Variants in PDCD6IP observed in about 807,000 individuals in gnomAD.
PDCD6IP encodes the protein programmed cell death 6-interacting protein.
PDCD6IP carries 43 observed loss-of-function variants against 103.7 expected under a neutral mutation model. The ratio of observed to expected loss-of-function variants is 0.41; its 90% confidence interval spans 0.32 to 0.53. The LOEUF (loss-of-function observed/expected upper bound fraction) is 0.53. PDCD6IP is among the 20% of genes least tolerant of loss of function. The pLI, the probability that PDCD6IP is intolerant of heterozygous loss-of-function variation, is 0.16. For synonymous variants in PDCD6IP, 354 were observed against 378.7 expected (o/e 0.93, Z 0.76); for missense variants, 871 against 1,036.7 (o/e 0.84, Z 2.20).
At chr3:33,803,221 C>T (rs576843514) in intron 1 of PDCD6IP, among the ~76,000 whole-genome samples, 1 of 152,142 alleles carries the variant, frequency 6.6e-6, no homozygotes, top group Non-Finnish European at 1.5e-5. Context: ...TTTGCATTTT[C>T]AGCTCTCCAC....
intron 17 of PDCD6IP, 106 bp downstream of exon 17, chr3:33,865,536 A>C: frequency 1.2e-6 from 1 of 818,788 alleles, no homozygotes; most frequent in Non-Finnish European, 1.9e-6. Context: ...GGTGTCATGA[A>C]TGAATAAGCT....
intron 15 of PDCD6IP, among the ~76,000 whole-genome samples, chr3:33,862,672 G>T (rs1395504118): frequency 6.6e-6 from 1 of 152,078 alleles, no homozygotes; most frequent in Non-Finnish European, 1.5e-5. Context: ...ATATCTTCAG[G>T]AAGTTTTTAT....
At chr3:33,816,350 C>G (rs964332398) in intron 3 of PDCD6IP, among the ~76,000 whole-genome samples, 3 of 151,634 alleles carry the variant, frequency 2.0e-5, no homozygotes, top group Non-Finnish European at 4.4e-5. Flanking sequence ...ACTAAAAATA[C>G]AAAATTAGCC....
chr3:33,807,438 A>G (rs1696622376), intron 1 of PDCD6IP, among the ~76,000 whole-genome samples: 1 of 152,154 alleles, frequency 6.6e-6, no homozygotes, highest in Non-Finnish European at 1.5e-5. Flanking sequence ...TGCTGCCCAG[A>G]CTTACTGTGG....
intron 1 of PDCD6IP, among the ~76,000 whole-genome samples, chr3:33,804,521 C>T (rs1210281540): frequency 3.3e-5 from 5 of 152,352 alleles, no homozygotes; most frequent in African/African-American, 1.2e-4. Flanking sequence ...CTGTAATTGG[C>T]AGACCTTTTT....
intron 15 of PDCD6IP, among the ~76,000 whole-genome samples, chr3:33,857,523 A>C (rs148286132): frequency 6.6e-6 from 1 of 152,252 alleles, no homozygotes; most frequent in African/African-American, 2.4e-5. Flanking sequence ...AATACAAAAC[A>C]GTCTACAGAC....
In PDCD6IP at chr3:33,798,856, C is replaced by T. The variant is rs1351956879; in HGVS notation, c.128C>T (p.Ala43Val). ...GEEQAQYCRA[A>V]EELSKLRRAA... ...GAGCAGGCCCAGTACTGCCGCGCGG[C>T]GGAGGAGCTCAGCAAGCTGCGCCGC... The change falls in exon 1 of 18, where the codon GCG becomes GTG. Residue 43 changes from alanine (A) to valine (V), a missense_variant. Physicochemically the swap from Ala to Val is moderately conservative, Grantham distance 64 (BLOSUM62 0). Coordinates refer to ENST00000307296, the MANE Select transcript of PDCD6IP (RefSeq NM_013374.6). 1.3e-6 allele frequency: 2 copies of T among 1,552,962 alleles called. No homozygotes were observed. The highest frequency in any genetic ancestry group is 1.2e-5 in the South Asian group (1 of 84,204).
intron 3 of PDCD6IP, among the ~76,000 whole-genome samples, chr3:33,818,797 G>A (rs1329327890): frequency 1.3e-5 from 2 of 152,018 alleles, no homozygotes; most frequent in Admixed American, 6.6e-5. Flanking sequence ...GATTACAGGC[G>A]TGAGCCACTG....
At chr3:33,825,400 G>C in intron 5 of PDCD6IP, 60 bp downstream of exon 5, 1 of 1,382,108 alleles carries the variant, frequency 7.2e-7, no homozygotes, top group Non-Finnish European at 1.0e-6. Context: ...TTTAAATTAA[G>C]AAAGTGATTA....
chr3:33,840,024 G>A (rs1368501488), intron 9 of PDCD6IP, among the ~76,000 whole-genome samples: 2 of 152,080 alleles, frequency 1.3e-5, no homozygotes, highest in African/African-American at 4.8e-5. Flanking sequence ...GAGAATATAG[G>A]TGACCCTGAA....
At chr3:33,806,301 T>G (rs1214511312) in intron 1 of PDCD6IP, among the ~76,000 whole-genome samples, 1 of 152,190 alleles carries the variant, frequency 6.6e-6, no homozygotes, top group East Asian at 1.9e-4. Flanking sequence ...AAGCACTTCA[T>G]ATACAGTACC....
intron 1 of PDCD6IP, among the ~76,000 whole-genome samples, chr3:33,801,081 T>G (rs2125539106): frequency 6.6e-6 from 1 of 152,322 alleles, no homozygotes; most frequent in African/African-American, 2.4e-5. Flanking sequence ...CAACAAATAT[T>G]AAGTATTTTC....
intron 14 of PDCD6IP, chr3:33,854,802 GTATGCT>G (rs1575942097): frequency 6.4e-6 from 1 of 155,484 alleles, no homozygotes; most frequent in Admixed American, 6.5e-5. Flanking sequence ...GGTTTCTGAA[GTATGCT>G]TGCATTTCTG....
chr3:33,829,792 G>A (rs1401838950), intron 7 of PDCD6IP, among the ~76,000 whole-genome samples: 1 of 152,134 alleles, frequency 6.6e-6, no homozygotes, highest in Non-Finnish European at 1.5e-5. Context: ...CACAGACTGG[G>A]TAATTGATAA....
chr3:33,865,010 A>G (rs1698031882), intron 16 of PDCD6IP, among the ~76,000 whole-genome samples: 2 of 152,168 alleles, frequency 1.3e-5, no homozygotes. Context: ...GAAGCAGTAA[A>G]TGATTAAATA....
intron 1 of PDCD6IP, among the ~76,000 whole-genome samples, chr3:33,811,741 A>G (rs950874975): frequency 1.3e-5 from 2 of 152,238 alleles, no homozygotes; most frequent in Non-Finnish European, 1.5e-5. Context: ...CAGAGATACT[A>G]ATTTGTCTAA....
chr3:33,838,357 G>A (rs1697397271), intron 9 of PDCD6IP, 30 bp downstream of exon 9: 1 of 1,575,214 alleles, frequency 6.3e-7, no homozygotes, highest in Non-Finnish European at 8.7e-7. Flanking sequence ...AGAGCCTAAA[G>A]TTTTCCGTTT....
In PDCD6IP at chr3:33,866,392, C is replaced by T. The variant is rs752951471; in HGVS notation, c.2474C>T (p.Ala825Val). ...ATGCCCATGGGCTATAATCCTTATGCGTATGGCCAGTATAATATGCCATAT... is the reference window on the plus strand; with the variant it reads ...ATGCCCATGGGCTATAATCCTTATGTGTATGGCCAGTATAATATGCCATAT... ...MPMPMGYNPY[A>V]YGQYNMPYPP... is the part of the protein sequence containing the mutation. Residue 825 changes from alanine to valine, a missense_variant, in exon 18 of 18, where the codon GCG becomes GTG. Physicochemically the swap from Ala to Val is moderately conservative, Grantham distance 64. This residue lies in a region of PDCD6IP where 202 missense variants were observed against 205.2 expected (regional missense o/e 0.98). Transcript: ENST00000307296. The T allele has an allele frequency of 2.4e-5, 38 of 1,604,076 alleles. No homozygotes were observed. In the South Asian group the frequency reaches 2.8e-4, roughly 12 times the overall value.
At chr3:33,848,622 C>G (rs1261727174) in intron 12 of PDCD6IP, among the ~76,000 whole-genome samples, 2 of 152,156 alleles carry the variant, frequency 1.3e-5, no homozygotes, top group Non-Finnish European at 2.9e-5. Context: ...CCTGGATGGT[C>G]TCGATCGCTT....
Sources: allele counts gnomAD v4.1 joint callset (sites outside exome capture counted in the v4.1 genomes callset), GRCh38; gene constraint gnomAD v4.1.1; regional missense constraint gnomAD v4.1.1; transcripts MANE v1.5; gene names NCBI Gene and HGNC (gene_info 2026-07-23, HGNC 2026-07-21).